Variants in ARSJ observed in about 807,000 individuals in gnomAD.
ARSJ encodes arylsulfatase family member J.
A neutral mutation model predicts 35.9 loss-of-function variants in ARSJ; 26 were observed. That is an observed-to-expected ratio of 0.72 (90% CI 0.53 to 1.00). ARSJ has a LOEUF of 1.00. Ranked by LOEUF, ARSJ falls within the 50% of genes least tolerant of loss-of-function variation. ARSJ has a pLI of 0.00. For synonymous variants in ARSJ, 294 were observed against 267.6 expected (o/e 1.10, Z -0.96); for missense variants, 667 against 723.6 (o/e 0.92, Z 0.90).
At chr4:113,961,030 CT>C (rs1726509585) in intron 1 of ARSJ, among the ~76,000 whole-genome samples, 1 of 151,962 alleles carries the variant, frequency 6.6e-6, no homozygotes, top group Admixed American at 6.6e-5. Flanking sequence ...ACCAATTTAC[CT>C]TTGGCAAACA....
chr4:113,905,030 G>A (rs1370635331), intron 1 of ARSJ, among the ~76,000 whole-genome samples: 1 of 152,132 alleles, frequency 6.6e-6, no homozygotes, highest in Non-Finnish European at 1.5e-5. Flanking sequence ...TAAAAATTAA[G>A]TGAATGTTAA....
At chr4:113,920,162 G>A (rs868468148) in intron 1 of ARSJ, among the ~76,000 whole-genome samples, 5 of 152,130 alleles carry the variant, frequency 3.3e-5, no homozygotes, top group Non-Finnish European at 5.9e-5. Flanking sequence ...TTTTGCCAAA[G>A]ATTGTAATTG....
At chr4:113,911,392 G>A (rs984477290) in intron 1 of ARSJ, among the ~76,000 whole-genome samples, 15 of 152,156 alleles carry the variant, frequency 9.9e-5, no homozygotes, top group South Asian at 4.1e-4. Context: ...GAAGCTTTGC[G>A]TTGGAAAAAT....
chr4:113,949,600 G>A (rs1203540522), intron 1 of ARSJ, among the ~76,000 whole-genome samples: 1 of 152,028 alleles, frequency 6.6e-6, no homozygotes, highest in Non-Finnish European at 1.5e-5. Flanking sequence ...ATTTACTGAT[G>A]GCTCCCTTAA....
intron 1 of ARSJ, among the ~76,000 whole-genome samples, chr4:113,931,648 A>G (rs562870517): frequency 6.6e-6 from 1 of 152,242 alleles, no homozygotes; most frequent in African/African-American, 2.4e-5. Flanking sequence ...TCCTCTGAGC[A>G]AGCAAGCCTT....
At chr4:113,972,639 A>G (rs1025709128) in intron 1 of ARSJ, among the ~76,000 whole-genome samples, 18 of 152,116 alleles carry the variant, frequency 1.2e-4, no homozygotes, top group African/African-American at 4.1e-4. Flanking sequence ...CCTCCCTAGT[A>G]TCTGGGACTA....
At chr4:113,976,177 G>T (rs566271707) in intron 1 of ARSJ, among the ~76,000 whole-genome samples, 1 of 152,212 alleles carries the variant, frequency 6.6e-6, no homozygotes, top group East Asian at 1.9e-4. Context: ...GGGCTGTTTT[G>T]TTAATAGAAT....
At position 113,925,206 on chromosome 4, in the gene ARSJ, G is replaced by C. The variant is rs143356642; in HGVS notation, c.399-21531C>G. On this transcript the variant is annotated intron_variant, in intron 1 of 1. Transcript: ENST00000315366. ...AGGTAGGAGGAACCCAAAGTGTCCAGGTGGCAATCTTAGCTTCCAGTTTAA... is the reference window on the plus strand; with the variant it reads ...AGGTAGGAGGAACCCAAAGTGTCCACGTGGCAATCTTAGCTTCCAGTTTAA... Among the ~76,000 whole-genome samples the C allele has an allele frequency of 5.0e-3, 754 of 152,170 alleles. 7 individuals are homozygous for C. Among genetic ancestry groups the C allele is most frequent in the African/African-American group, 0.018 (731 of 41,510 alleles).
At chr4:113,940,497 C>A (rs535418670) in intron 1 of ARSJ, among the ~76,000 whole-genome samples, 2 of 151,698 alleles carry the variant, frequency 1.3e-5, no homozygotes, top group Non-Finnish European at 2.9e-5. Flanking sequence ...AGGGAGTGGG[C>A]GGTCGGGGGA....
intron 1 of ARSJ, among the ~76,000 whole-genome samples, chr4:113,914,512 C>A (rs1195800421): frequency 6.6e-6 from 1 of 152,160 alleles, no homozygotes; most frequent in African/African-American, 2.4e-5. Context: ...CATTCTTGAG[C>A]AGAATTGCCT....
chr4:113,961,416 G>A (rs1726530265), intron 1 of ARSJ, among the ~76,000 whole-genome samples: 1 of 152,086 alleles, frequency 6.6e-6, no homozygotes, highest in Non-Finnish European at 1.5e-5. Flanking sequence ...ATCAGATGGA[G>A]GTTGGACGTT....
Position 113,903,029 on chromosome 4 carries a change from A to G in ARSJ, c.1045T>C (p.Trp349Arg). 1 of 1,614,110 alleles carries G rather than the reference A, an allele frequency of 6.2e-7. No homozygotes were observed. Among genetic ancestry groups the G allele is most frequent in the Non-Finnish European group, 8.5e-7 (1 of 1,180,022 alleles). ...WPLRGSKGTY[W>R]EGGIRAVGFV... ...CCTACAGCCCGGATCCCTCCTTCCC[A>G]ATATGTTCCTTTGCTACCTCTGAGA... The change falls in exon 2 of 2, where the codon TGG becomes CGG. Residue 349 changes from tryptophan (W) to arginine (R), a missense_variant. Trp to Arg is a moderately radical substitution (Grantham distance 101). Transcript: ENST00000315366.
At chr4:113,924,066 AATATATATAAATAT>A (rs1186232149) in intron 1 of ARSJ, among the ~76,000 whole-genome samples, 71 of 107,242 alleles carry the variant, frequency 6.6e-4, no homozygotes, top group Admixed American at 1.0e-3. Flanking sequence ...AATATATATA[AATATATATAAATAT>A]ATATATATAT....
At position 113,902,082 on chromosome 4, in the gene ARSJ, AGCACCTTG is replaced by A; in HGVS notation, c.*184_*191del. 6.5e-7 allele frequency: 1 copy of A among 1,545,972 alleles called. No individual in the cohort carries two copies. The highest frequency in any genetic ancestry group is 8.7e-7 in the Non-Finnish European group (1 of 1,147,244). The stretch of plus-strand genomic sequence containing the variant: ...CTCTCTAAGTGTGGCTTGCAAGAGT[AGCACCTTG>A]GCACTGAGCAGGACAGTTTTCAGTG... On this transcript the variant is annotated 3_prime_UTR_variant, in exon 2 of 2. Coordinates refer to ENST00000315366, the MANE Select transcript of ARSJ (RefSeq NM_024590.4).
intron 1 of ARSJ, among the ~76,000 whole-genome samples, chr4:113,937,379 G>A (rs1455717792): frequency 6.6e-6 from 1 of 151,956 alleles, no homozygotes; most frequent in African/African-American, 2.4e-5. Flanking sequence ...AGGTATTGAT[G>A]GAGCATAACT....
chr4:113,940,459 G>A (rs1725077909), intron 1 of ARSJ, among the ~76,000 whole-genome samples: 1 of 151,924 alleles, frequency 6.6e-6, no homozygotes. Flanking sequence ...TGAACATAAT[G>A]AGGGGAACAA....
intron 1 of ARSJ, among the ~76,000 whole-genome samples, chr4:113,933,957 G>C (rs1263078180): frequency 6.6e-6 from 1 of 151,820 alleles, no homozygotes; most frequent in Non-Finnish European, 1.5e-5. Context: ...AGTTCACCTT[G>C]TATGCAGACA....
intron 1 of ARSJ, among the ~76,000 whole-genome samples, chr4:113,967,904 G>A (rs1726996269): frequency 6.6e-6 from 1 of 152,126 alleles, no homozygotes; most frequent in South Asian, 2.1e-4. Context: ...CAATATGTCA[G>A]TCATAAAACA....
chr4:113,924,265 A>T (rs1336088523), intron 1 of ARSJ, among the ~76,000 whole-genome samples: 1 of 151,600 alleles, frequency 6.6e-6, no homozygotes, highest in Non-Finnish European at 1.5e-5. Flanking sequence ...AGCAGCCAGC[A>T]TGGGAAAAAG....
Sources: allele counts gnomAD v4.1 joint callset (sites outside exome capture counted in the v4.1 genomes callset), GRCh38; gene constraint gnomAD v4.1.1; transcripts MANE v1.5; gene names NCBI Gene and HGNC (gene_info 2026-07-23, HGNC 2026-07-21).